The following KALRN variants were observed in gnomAD, a reference collection of about 807,000 sequenced individuals.
KALRN encodes the protein kalirin.
Under a neutral mutation model 353.7 loss-of-function variants are expected in KALRN, and 70 were observed. That is an observed-to-expected ratio of 0.20 (90% CI 0.16 to 0.24). The LOEUF (loss-of-function observed/expected upper bound fraction) is 0.24. Ranked by LOEUF, KALRN falls within the 10% of genes least tolerant of loss-of-function variation. KALRN has a pLI of 1.00. For synonymous variants in KALRN, 1,391 were observed against 1,434.8 expected (o/e 0.97, Z 0.69); for missense variants, 2,791 against 3,756.7 (o/e 0.74, Z 6.72).
chr3:124,325,061 T>C (rs1310037394), intron 6 of KALRN, among the ~76,000 whole-genome samples: 3 of 152,228 alleles, frequency 2.0e-5, no homozygotes, highest in African/African-American at 7.2e-5. Flanking sequence ...CACTACTGTC[T>C]TATGTTTGTG....
intron 33 of KALRN, among the ~76,000 whole-genome samples, chr3:124,507,152 A>C (rs1325516076): frequency 6.6e-6 from 1 of 152,154 alleles, no homozygotes; most frequent in Non-Finnish European, 1.5e-5. Context: ...TGTTAAAGAG[A>C]GGTACTTCAA....
At chr3:124,697,102 G>A (rs1337428205) in intron 54 of KALRN, among the ~76,000 whole-genome samples, 2 of 152,106 alleles carry the variant, frequency 1.3e-5, no homozygotes, top group South Asian at 2.1e-4. Flanking sequence ...TAAACTTTTT[G>A]TAGTGATGGA....
intron 10 of KALRN, among the ~76,000 whole-genome samples, chr3:124,349,085 T>C (rs1207948661): frequency 6.6e-6 from 1 of 152,242 alleles, no homozygotes; most frequent in African/African-American, 2.4e-5. Context: ...CAATGTCCAT[T>C]GACGGATGCA....
At chr3:124,612,870 T>C (rs983579978) in intron 34 of KALRN, among the ~76,000 whole-genome samples, 5 of 148,744 alleles carry the variant, frequency 3.4e-5, no homozygotes, top group African/African-American at 7.5e-5. Context: ...TATCTTCAAA[T>C]ATAAAATGTT....
intron 8 of KALRN, among the ~76,000 whole-genome samples, chr3:124,332,850 G>A (rs867525783): frequency 2.0e-5 from 3 of 152,188 alleles, no homozygotes; most frequent in Admixed American, 6.5e-5. Flanking sequence ...GGATAAAGAC[G>A]AAAGAAAATG....
intron 1 of KALRN, among the ~76,000 whole-genome samples, chr3:124,142,944 G>A (rs1310163984): frequency 6.6e-6 from 1 of 151,864 alleles, no homozygotes; most frequent in South Asian, 2.1e-4. Flanking sequence ...CTGAACCCCA[G>A]CATTGTTTCC....
intron 9 of KALRN, among the ~76,000 whole-genome samples, chr3:124,346,696 C>T (rs1223618919): frequency 1.3e-5 from 2 of 152,126 alleles, no homozygotes; most frequent in Non-Finnish European, 2.9e-5. Flanking sequence ...GCAGGATCCC[C>T]ATGACTGGTC....
At chr3:124,413,409 T>G in intron 13 of KALRN, 61 bp from the exon 14 acceptor site, 1 of 1,416,200 alleles carries the variant, frequency 7.1e-7, no homozygotes, top group Non-Finnish European at 9.8e-7. Context: ...TTGTGAGCCT[T>G]AACCTAACAA....
At chr3:124,472,026 A>T (rs2060965331) in intron 25 of KALRN, among the ~76,000 whole-genome samples, 1 of 151,256 alleles carries the variant, frequency 6.6e-6, no homozygotes, top group African/African-American at 2.4e-5. Flanking sequence ...TGAAAATTAT[A>T]TGCTGTGCAT....
chr3:124,249,725 G>C (rs1352677926), intron 3 of KALRN, among the ~76,000 whole-genome samples: 2 of 152,090 alleles, frequency 1.3e-5, no homozygotes, highest in Non-Finnish European at 2.9e-5. Flanking sequence ...GTTATGCATG[G>C]GGGCAGCCTA....
At chr3:124,369,948 CT>C (rs1309346978) in intron 10 of KALRN, among the ~76,000 whole-genome samples, 6 of 152,092 alleles carry the variant, frequency 3.9e-5, no homozygotes, top group African/African-American at 1.4e-4. Context: ...ACAGGATCTC[CT>C]TTTTTATTGC....
chr3:124,249,077 A>G (rs974790703), intron 3 of KALRN, among the ~76,000 whole-genome samples: 17 of 152,262 alleles, frequency 1.1e-4, no homozygotes, highest in African/African-American at 3.9e-4. Context: ...CTGACTATGA[A>G]GGAGTGCTGC....
chr3:124,287,813 A>G (rs13092509), intron 5 of KALRN, among the ~76,000 whole-genome samples: 40 of 21,280 alleles, frequency 1.9e-3, no homozygotes, highest in South Asian at 0.011. Context: ...ATATATATAT[A>G]TATATATATA....
chr3:124,350,069 T>C (rs1158231572), intron 10 of KALRN, among the ~76,000 whole-genome samples: 1 of 152,188 alleles, frequency 6.6e-6, no homozygotes, highest in East Asian at 1.9e-4. Context: ...CTGACCCAGC[T>C]CAATCTTCCT....
intron 51 of KALRN, among the ~76,000 whole-genome samples, chr3:124,688,021 G>T (rs1559850147): frequency 6.6e-6 from 1 of 152,100 alleles, no homozygotes; most frequent in Non-Finnish European, 1.5e-5. Flanking sequence ...TTAGAAATGA[G>T]CAGAGGAGGC....
chr3:124,109,723 A>G (rs34157139), intron 1 of KALRN, among the ~76,000 whole-genome samples: 3,877 of 142,272 alleles, frequency 0.027, 182 homozygotes, highest in African/African-American at 0.092. Flanking sequence ...TGACATATAT[A>G]TCATACTTTG....
Position 124,718,966 on chromosome 3 carries a change from A to G in KALRN, c.8457A>G (p.Arg2819=), listed in dbSNP as rs758128601. The G allele has an allele frequency of 6.2e-7, 1 of 1,614,220 alleles. No individual in the cohort carries two copies. Among genetic ancestry groups the G allele is most frequent in the Non-Finnish European group, 8.5e-7 (1 of 1,180,036 alleles). The change falls in exon 60 of 60, where the codon CGA becomes CGG. Residue 2819 remains arginine (R), a synonymous_variant. Transcript: ENST00000682506. ...TTGACCTACGGATTCCAGTGCCTCG[A>G]GTGAAGCTCATTGACTTGGAGGATG... The part of the protein sequence containing the change: ...LLIDLRIPVP[R]VKLIDLEDAV...
intron 28 of KALRN, among the ~76,000 whole-genome samples, chr3:124,484,999 G>A (rs1055285835): frequency 6.6e-6 from 1 of 152,130 alleles, no homozygotes; most frequent in Admixed American, 6.5e-5. Context: ...AGGAGGCTGA[G>A]GCATGAGAAT....
At chr3:124,633,297 A>G (rs1318962509) in intron 35 of KALRN, among the ~76,000 whole-genome samples, 2 of 152,240 alleles carry the variant, frequency 1.3e-5, no homozygotes, top group Non-Finnish European at 2.9e-5. Context: ...CTGTAGCCAA[A>G]GTTAGGCTGG....
Sources: gnomAD v4.1 joint callset for allele counts (sites outside exome capture counted in the v4.1 genomes callset) on GRCh38, gnomAD v4.1.1 for gene constraint, MANE v1.5 for transcripts, NCBI Gene and HGNC (gene_info 2026-07-23, HGNC 2026-07-21) for gene names.